NCAPD3: variants seen among roughly 807,000 people sequenced by gnomAD.
The protein encoded by NCAPD3 is condensin-2 complex subunit D3.
In NCAPD3, 105 loss-of-function variants were observed where a neutral mutation model predicts 182.9. The observed-to-expected ratio is 0.57, with a 90% CI of 0.49 to 0.68. The LOEUF is 0.68. Ranked by LOEUF, NCAPD3 falls within the 30% of genes least tolerant of loss-of-function variation. The pLI is 0.00. For synonymous variants in NCAPD3, 815 were observed against 679.9 expected (o/e 1.20, Z -3.09); for missense variants, 1,944 against 1,837.0 (o/e 1.06, Z -1.07).
At chr11:134,196,568 C>T (rs1388431908) in intron 13 of NCAPD3, among the ~76,000 whole-genome samples, 1 of 148,802 alleles carries the variant, frequency 6.7e-6, no homozygotes. Context: ...TTTGCTTGAG[C>T]TGGGAGGCAG....
upstream of NCAPD3, chr11:134,224,730 G>C (rs1046223370): frequency 6.6e-6 from 1 of 152,048 alleles, no homozygotes; most frequent in African/African-American, 2.4e-5. Context: ...TCGCAGCGCT[G>C]CTCGGCGCTG....
chr11:134,195,978 G>C (rs1043686285), intron 13 of NCAPD3, among the ~76,000 whole-genome samples: 2 of 152,008 alleles, frequency 1.3e-5, no homozygotes, highest in Non-Finnish European at 2.9e-5. Context: ...AACACACTTT[G>C]GGAACTGCTT....
At chr11:134,180,310 C>T (rs1192755251) in intron 20 of NCAPD3, among the ~76,000 whole-genome samples, 1 of 152,026 alleles carries the variant, frequency 6.6e-6, no homozygotes, top group Non-Finnish European at 1.5e-5. Context: ...CAAGCAGAAA[C>T]TGAACACAGA....
At chr11:134,158,273 T>C in intron 30 of NCAPD3, 56 bp downstream of exon 30, 1 of 1,604,486 alleles carries the variant, frequency 6.2e-7, no homozygotes, top group Non-Finnish European at 8.5e-7. Context: ...CAGGGACGCC[T>C]CTGAGAACAT....
At position 134,157,947 on chromosome 11, in the gene NCAPD3, T is replaced by A. The variant is rs767057099; in HGVS notation, c.4155A>T (p.Pro1385=). The A allele has an allele frequency of 6.2e-7, 1 of 1,614,094 alleles. No individual in the cohort carries two copies. The highest frequency in any genetic ancestry group is 1.1e-5 in the South Asian group (1 of 91,074). Residue 1385 remains proline (P), a synonymous_variant, in exon 31 of 35, where the codon CCA becomes CCT. Coordinates refer to ENST00000534548, the MANE Select transcript of NCAPD3 (RefSeq NM_015261.3). ...GCTTACCCTGACTGCACGTTTTTTC[T>A]GGGCTTCCAGAATTTAAAGTGAAAG... ...VLPFTLNSGS[P]EKTCSQVSSY... is the part of the protein sequence containing the mutation.
intron 13 of NCAPD3, among the ~76,000 whole-genome samples, chr11:134,197,819 T>C (rs764577715): frequency 2.6e-5 from 4 of 152,116 alleles, no homozygotes; most frequent in African/African-American, 2.4e-5. Context: ...GAGAAAGCAT[T>C]TGCAAATTCC....
Position 134,223,269 on chromosome 11 carries a change from C to T in NCAPD3, c.64+594G>A, listed in dbSNP as rs888754799. Reference sequence around the variant, plus strand: ...CAGCTAAAATACTCCTGCAATTGCTCGAGGCTATGATGAAGGCAGCAGCAT... The same window carrying T: ...CAGCTAAAATACTCCTGCAATTGCTTGAGGCTATGATGAAGGCAGCAGCAT... On this transcript the variant is annotated intron_variant, in intron 1 of 34. Transcript: ENST00000534548. The T allele has an allele frequency of 1.2e-5, 7 of 594,668 alleles. No individual in the cohort carries two copies. In the East Asian group the frequency reaches 1.4e-4, roughly 12 times the overall value. The allele number at this position is 594,668 out of a possible 1,614,324, so 36.8% of individuals were successfully genotyped here.
At position 134,202,909 on chromosome 11, in the gene NCAPD3, T is replaced by TAAA; in HGVS notation, c.1526-7_1526-5dup. 1 of 1,520,518 alleles carries TAAA rather than the reference T, an allele frequency of 6.6e-7. No homozygotes were observed. The highest frequency in any genetic ancestry group is 8.9e-7 in the Non-Finnish European group (1 of 1,119,320). 94.2% of individuals were successfully genotyped at this position (1,520,518 alleles called of 1,614,324 possible). ...GTCTGCCTTTGGTAGGAAAAAGCTTTAAAAAAAAAATTACAGTCATTAAGC... is the reference window on the plus strand; with the variant it reads ...GTCTGCCTTTGGTAGGAAAAAGCTTTAAAAAAAAAAAAATTACAGTCATTAAGC... On this transcript the variant is annotated splice_region_variant and splice_polypyrimidine_tract_variant and intron_variant, in intron 12 of 34. Coordinates refer to ENST00000534548, the MANE Select transcript of NCAPD3 (RefSeq NM_015261.3).
chr11:134,210,046 ACT>A (rs1164667575), intron 4 of NCAPD3, among the ~76,000 whole-genome samples: 1 of 152,146 alleles, frequency 6.6e-6, no homozygotes, highest in Non-Finnish European at 1.5e-5. Flanking sequence ...ACACAGCAAG[ACT>A]CTGTCTCAAA....
At chr11:134,224,049 G>T, upstream of NCAPD3, 1 of 1,214,288 alleles carries the variant, frequency 8.2e-7, no homozygotes, top group Non-Finnish European at 1.2e-6. Context: ...CAACCACCGC[G>T]CCGAGCCGTT....
intron 16 of NCAPD3, 152 bp downstream of exon 16, chr11:134,192,537 A>T: frequency 1.5e-6 from 1 of 653,964 alleles, no homozygotes; most frequent in Non-Finnish European, 2.6e-6. Flanking sequence ...AGAGATTGGA[A>T]GTCAGTCAGG....
intron 17 of NCAPD3, 25 bp from the exon 18 acceptor site, chr11:134,185,025 G>T: frequency 1.3e-6 from 2 of 1,537,798 alleles, no homozygotes; most frequent in Non-Finnish European, 1.8e-6. Flanking sequence ...GGAGGAATAT[G>T]AAGGGAGAAG....
chr11:134,217,180 G>T, intron 2 of NCAPD3, 82 bp from the exon 3 acceptor site: 2 of 1,323,626 alleles, frequency 1.5e-6, no homozygotes, highest in Non-Finnish European at 1.0e-6. Context: ...GTAAGTTCTT[G>T]GTGCCTTACA....
intron 27 of NCAPD3, among the ~76,000 whole-genome samples, chr11:134,167,302 C>G (rs78967179): frequency 2.6e-4 from 25 of 96,366 alleles, no homozygotes; most frequent in South Asian, 3.7e-4. Context: ...CTTGGGGGAG[C>G]AGCACACTCA....
Position 134,159,840 on chromosome 11 carries a change from GCAGA to G in NCAPD3, c.3867+48_3867+51del. On this transcript the variant is annotated intron_variant, in intron 29 of 34. Transcript: ENST00000534548. ...GTGCCAGACAAACGACAGACTGGTA[GCAGA>G]CAGCAGACTGGACTGTCTGGTCACA... 5 of 1,542,448 alleles carry G rather than the reference GCAGA, an allele frequency of 3.2e-6. No homozygotes were observed. The South Asian group carries it at 5.9e-5, about 18-fold the overall frequency.
intron 1 of NCAPD3, among the ~76,000 whole-genome samples, chr11:134,222,691 G>A (rs990581142): frequency 6.6e-6 from 1 of 152,222 alleles, no homozygotes; most frequent in Non-Finnish European, 1.5e-5. Flanking sequence ...GGGGAGGAGG[G>A]AGAGGAATAA....
At chr11:134,209,116 T>C (rs2136018757) in intron 6 of NCAPD3, 29 bp downstream of exon 6, 2 of 1,603,610 alleles carry the variant, frequency 1.2e-6, no homozygotes, top group East Asian at 2.2e-5. Flanking sequence ...TATACTTAAA[T>C]TGTAGCACTG....
Position 134,194,676 on chromosome 11 carries a change from A to T in NCAPD3, c.1678T>A (p.Ser560Thr). ...IRDEKTNVRK[S>T]ALQVLVSILK... ...GAGAAAACTCCCACCTGCAGTGCAG[A>T]CTTCCTAACGTTGGTCTTCTCATCC... The change falls in exon 14 of 35, where the codon TCT (serine) becomes ACT (threonine). Residue 560 changes from serine (S) to threonine (T), a missense_variant. Around this residue, in one of 3 missense-constraint regions of NCAPD3, gnomAD observed 1,803 missense variants for 1,674.6 expected, o/e 1.08. Transcript: ENST00000534548. 6.2e-7 allele frequency: 1 copy of T among 1,602,750 alleles called. No individual in the cohort carries two copies. Among genetic ancestry groups the T allele is most frequent in the Admixed American group, 1.7e-5 (1 of 58,122 alleles).
chr11:134,185,062 G>A lies in NCAPD3; in HGVS notation c.2238-62C>T, dbSNP rs1944375451. The A allele has an allele frequency of 9.9e-6, 13 of 1,311,744 alleles. No individual in the cohort carries two copies. The South Asian group carries it at 1.2e-4, about 12-fold the overall frequency. 81.3% of individuals were successfully genotyped at this position (1,311,744 alleles called of 1,614,324 possible). On this transcript the variant is annotated intron_variant, in intron 17 of 34. Transcript: ENST00000534548. ...AAGTTAAACACTGCTGCCAACAAAGGCCTTTCTTCTGGATTAATAACACTG... is the reference window on the plus strand; with the variant it reads ...AAGTTAAACACTGCTGCCAACAAAGACCTTTCTTCTGGATTAATAACACTG...
Sources: allele counts gnomAD v4.1 joint callset (sites outside exome capture counted in the v4.1 genomes callset), GRCh38; gene constraint gnomAD v4.1.1; regional missense constraint gnomAD v4.1.1; transcripts MANE v1.5; gene names NCBI Gene and HGNC (gene_info 2026-07-23, HGNC 2026-07-21).